The following ACSF3 variants were observed in gnomAD, a reference collection of about 807,000 sequenced individuals.
ACSF3 encodes acyl-CoA synthetase family member 3.
ACSF3 carries 78 observed loss-of-function variants against 53.2 expected under a neutral mutation model. That is an observed-to-expected ratio of 1.47 (90% CI 1.22 to 1.77). The LOEUF (loss-of-function observed/expected upper bound fraction) is 1.77. Among genes scored for constraint, ACSF3 ranks in the 40% most tolerant of loss-of-function variants. The pLI is 0.00. For missense variants in ACSF3, 937 were observed against 771.1 expected, an observed-to-expected ratio of 1.22 and a Z score of -2.55; for synonymous variants, 414 against 333.1, an observed-to-expected ratio of 1.24 and a Z score of -2.65.
At chr16:89,135,367 G>T (rs532282668) in intron 8 of ACSF3, among the ~76,000 whole-genome samples, 5 of 152,358 alleles carry the variant, frequency 3.3e-5, no homozygotes, top group Non-Finnish European at 5.9e-5. Flanking sequence ...AGCATGTGCT[G>T]CTGTGAGGCA....
At chr16:89,147,612 A>G (rs924660539) in intron 10 of ACSF3, 4 of 149,134 alleles carry the variant, frequency 2.7e-5, no homozygotes, top group African/African-American at 9.9e-5. Flanking sequence ...ACTCTCAAAC[A>G]TGCAGGTCTT....
chr16:89,126,111 T>C (rs60524679), intron 7 of ACSF3, among the ~76,000 whole-genome samples: 21,199 of 152,262 alleles, frequency 0.14, 1,596 homozygotes, highest in African/African-American at 0.21. Flanking sequence ...CATTTAGATA[T>C]ACTTTGGTTT....
intron 1 of ACSF3, among the ~76,000 whole-genome samples, chr16:89,096,636 A>G (rs1277256242): frequency 6.6e-6 from 1 of 152,088 alleles, no homozygotes; most frequent in Non-Finnish European, 1.5e-5. Context: ...CTTTGTCAGT[A>G]TTTCTCAAAA....
In ACSF3 at chr16:89,108,810, G is replaced by C. The variant is rs376066605; in HGVS notation, c.823-3282G>C. Among the ~76,000 whole-genome samples, 7 of 152,236 alleles carry C rather than the reference G, an allele frequency of 4.6e-5. No individual in the cohort carries two copies. The South Asian group carries it at 1.2e-3, about 27-fold the overall frequency. On this transcript the variant is annotated intron_variant, in intron 4 of 10. Coordinates refer to ENST00000614302, the MANE Select transcript of ACSF3 (RefSeq NM_001243279.3). Reference sequence around the variant, plus strand: ...TGGGCATTTGGACTGTTTCAGTTTGGAGCTATTATGAATAATGCTGCTATG... The same window carrying C: ...TGGGCATTTGGACTGTTTCAGTTTGCAGCTATTATGAATAATGCTGCTATG...
At chr16:89,133,293 AC>A (rs771104684) in intron 8 of ACSF3, 31 bp downstream of exon 8, 1 of 1,613,514 alleles carries the variant, frequency 6.2e-7, no homozygotes, top group Non-Finnish European at 8.5e-7. Flanking sequence ...AGTGGAGGAG[AC>A]CCCGAGGGGA....
chr16:89,100,487 G>A lies in ACSF3; in HGVS notation c.-20-175G>A, dbSNP rs572146770. On this transcript the variant is annotated intron_variant, in intron 2 of 10. Coordinates refer to ENST00000614302, the MANE Select transcript of ACSF3 (RefSeq NM_001243279.3). ...CTGAGATGCTGGGCACGTACGGAAC[G>A]TTCCAGCAGTGTGGGTGAGAAAGGC... 8.2e-5 allele frequency: 53 copies of A among 644,646 alleles called. No homozygotes were observed. The East Asian group carries it at 1.3e-3, about 16-fold the overall frequency. 39.9% of individuals were successfully genotyped at this position (644,646 alleles called of 1,614,324 possible).
At chr16:89,145,027 G>A (rs571702040) in intron 8 of ACSF3, 8 of 1,106,322 alleles carry the variant, frequency 7.2e-6, no homozygotes, top group Non-Finnish European at 1.0e-5. Context: ...CCACAGGAAG[G>A]GCAGACCCCA....
intron 4 of ACSF3, among the ~76,000 whole-genome samples, chr16:89,110,877 A>C (rs556631945): frequency 7.7e-4 from 117 of 151,606 alleles, no homozygotes; most frequent in African/African-American, 2.8e-3. Context: ...TGTCTCCCGC[A>C]CTCTGGTCGC....
chr16:89,124,169 A>G (rs1319523838), intron 7 of ACSF3, among the ~76,000 whole-genome samples: 2 of 152,144 alleles, frequency 1.3e-5, no homozygotes, highest in East Asian at 1.9e-4. Context: ...ACACACATAC[A>G]CATTGTGTGT....
intron 7 of ACSF3, 50 bp downstream of exon 7, chr16:89,120,963 C>G (rs890099666): frequency 1.3e-6 from 2 of 1,541,004 alleles, no homozygotes; most frequent in Non-Finnish European, 9.0e-7. Flanking sequence ...CCAGTCTAGG[C>G]CCCCCAGGGT....
rs548566213 is a variant in ACSF3, at chr16:89,120,535, C to T, written c.1127-266C>T. ...AGGGCAGGCCAGGCCCAGCGTGCCA[C>T]GTGAGTGCCTGCTGTGCCACATGGC... is the stretch of plus-strand genomic sequence containing the variant. On this transcript the variant is annotated intron_variant, in intron 6 of 10. Transcript: ENST00000614302. Among the ~76,000 whole-genome samples, 26 of 152,358 alleles carry T rather than the reference C, an allele frequency of 1.7e-4. 1 individual carries two copies. Among genetic ancestry groups the T allele is most frequent in the East Asian group, 5.8e-4 (3 of 5,182 alleles).
chr16:89,114,376 G>A lies in ACSF3; in HGVS notation c.1015G>A (p.Val339Met), dbSNP rs746598781. 4 of 1,614,020 alleles carry A rather than the reference G, an allele frequency of 2.5e-6. No homozygotes were observed. The South Asian group carries it at 3.3e-5, about 13-fold the overall frequency. Residue 339 changes from valine to methionine, a missense_variant, in exon 6 of 11, where the codon GTG becomes ATG. Transcript: ENST00000614302. ...AGGCTCAGCTGCCCTGCCCCTCCCA[G>A]TGCTGGAGAAGTGGAAGAACATCAC... ...VSGSAALPLP[V>M]LEKWKNITGH...
chr16:89,141,668 C>G (rs143786591), intron 8 of ACSF3, among the ~76,000 whole-genome samples: 66 of 152,326 alleles, frequency 4.3e-4, no homozygotes, highest in African/African-American at 1.5e-3. Context: ...AAGTCTCTCC[C>G]TACCCCTGGA....
chr16:89,151,096 C>A, intron 10 of ACSF3: 1 of 1,257,234 alleles, frequency 8.0e-7, no homozygotes, highest in Non-Finnish European at 1.0e-6. Context: ...CGAAACCTCG[C>A]CTCAGGCATG....
rs1976181434 is a variant in ACSF3 at position 89,107,751 on chromosome 16, A to G, written c.823-4341A>G. Among the ~76,000 whole-genome samples the G allele has an allele frequency of 2.0e-5, 3 of 152,082 alleles. No homozygotes were observed. The South Asian group carries it at 6.2e-4, about 32-fold the overall frequency. Reference sequence around the variant, plus strand: ...CTCCCAGTGCCGGCTCACAGGCTAGATGTATGTTTCATTTCAGTGGAAACT... The same window carrying G: ...CTCCCAGTGCCGGCTCACAGGCTAGGTGTATGTTTCATTTCAGTGGAAACT... On this transcript the variant is annotated intron_variant, in intron 4 of 10. Transcript: ENST00000614302.
chr16:89,124,015 A>G (rs1907315494), intron 7 of ACSF3, among the ~76,000 whole-genome samples: 1 of 73,692 alleles, frequency 1.4e-5, no homozygotes, highest in South Asian at 3.3e-4. Flanking sequence ...CAGGTATCAC[A>G]CGCACGCAGT....
intron 7 of ACSF3, among the ~76,000 whole-genome samples, chr16:89,128,945 G>C (rs1908717732): frequency 6.8e-6 from 1 of 147,912 alleles, no homozygotes; most frequent in African/African-American, 2.5e-5. Context: ...GAGCAACATA[G>C]TGAGACCCCA....
intron 8 of ACSF3, among the ~76,000 whole-genome samples, chr16:89,139,997 G>A (rs769311458): frequency 1.1e-4 from 17 of 152,150 alleles, no homozygotes; most frequent in Admixed American, 7.2e-4. Context: ...CGGAGCTGCC[G>A]GGTGAGCGCT....
At chr16:89,114,616 A>T in intron 6 of ACSF3, 129 bp downstream of exon 6, 2 of 1,396,222 alleles carry the variant, frequency 1.4e-6, no homozygotes, top group Non-Finnish European at 2.0e-6. Context: ...GGGACAGGCC[A>T]CTCGGCCAGG....
Sources: allele counts gnomAD v4.1 joint callset (sites outside exome capture counted in the v4.1 genomes callset), GRCh38; gene constraint gnomAD v4.1.1; transcripts MANE v1.5; gene names NCBI Gene and HGNC (gene_info 2026-07-23, HGNC 2026-07-21).